The following PCDHGA2 variants were observed in gnomAD, a reference collection of about 807,000 sequenced individuals.
The protein encoded by PCDHGA2 is protocadherin gamma subfamily A, 2.
In PCDHGA2, 40 loss-of-function variants were observed where a neutral mutation model predicts 59.2. The ratio of observed to expected loss-of-function variants is 0.68; its 90% CI spans 0.52 to 0.88. The LOEUF is 0.88. PCDHGA2 is among the 40% of genes least tolerant of loss of function. The probability of loss-of-function intolerance (pLI) is 0.00; values close to 1 mark genes in which losing one functional copy is unlikely to be tolerated. For missense variants in PCDHGA2, 1,226 were observed against 1,204.0 expected, an observed-to-expected ratio of 1.02 and a Z score of -0.27; for synonymous variants, 560 against 526.0, an observed-to-expected ratio of 1.06 and a Z score of -0.89.
chr5:141,365,615 AC>A (rs1215729204), intron 1 of PCDHGA2: 1 of 1,613,178 alleles, frequency 6.2e-7, no homozygotes, highest in Non-Finnish European at 8.5e-7. Context: ...GGACCATGGA[AC>A]CCCGCCCCTC....
intron 1 of PCDHGA2, among the ~76,000 whole-genome samples, chr5:141,358,059 G>A (rs1239093738): frequency 6.6e-6 from 1 of 152,188 alleles, no homozygotes; most frequent in Non-Finnish European, 1.5e-5. Context: ...GCGTGGTGGT[G>A]TGTGCCCGTA....
intron 1 of PCDHGA2, among the ~76,000 whole-genome samples, chr5:141,454,773 G>A (rs1272535268): frequency 6.9e-6 from 1 of 144,540 alleles, no homozygotes; most frequent in East Asian, 2.0e-4. Flanking sequence ...TTTTTTACAA[G>A]GAAATAATCC....
chr5:141,482,767 A>AGCTAGTACTATAATTATTTTTATTAGTTC (rs1370824281), intron 1 of PCDHGA2, among the ~76,000 whole-genome samples: 2 of 150,588 alleles, frequency 1.3e-5, no homozygotes, highest in African/African-American at 2.5e-5. Context: ...TTTCATTATC[A>AGCTAGTACTATAATTATTTTTATTAGTTC]CTGAACCTTA....
chr5:141,409,459 T>A lies in PCDHGA2; in HGVS notation c.2424+68064T>A, dbSNP rs139792503. 3.7e-6 allele frequency: 6 copies of A among 1,613,832 alleles called. 1 individual carries two copies. The highest frequency in any genetic ancestry group is 3.3e-4 in the Middle Eastern group (2 of 6,084). ...ACCGAGAGCAGACACCAGAATACAATGTCACCATCGTAGCCACTGACAGGG... is the reference window on the plus strand; with the variant it reads ...ACCGAGAGCAGACACCAGAATACAAAGTCACCATCGTAGCCACTGACAGGG... On this transcript the variant is annotated intron_variant, in intron 1 of 3. Transcript: ENST00000394576.
chr5:141,446,928 C>T (rs988582410), intron 1 of PCDHGA2, among the ~76,000 whole-genome samples: 14 of 152,132 alleles, frequency 9.2e-5, no homozygotes, highest in Non-Finnish European at 1.6e-4. Context: ...TTCCTGATCT[C>T]TTTTTCACTG....
rs115453161 is a variant in PCDHGA2, at chr5:141,365,386, G to A, written c.2424+23991G>A. ...CCCCCGAAGTGATCCTCACCTCTCT[G>A]ACCAGTTCGATCTCTGAAGACTGTC... On this transcript the variant is annotated intron_variant, in intron 1 of 3. Coordinates refer to ENST00000394576, the MANE Select transcript of PCDHGA2 (RefSeq NM_018915.4). 1,074 of 1,613,934 alleles carry A rather than the reference G, an allele frequency of 6.7e-4. 8 individuals carry two copies. In the African/African-American group the frequency reaches 0.012, roughly 19 times the overall value.
chr5:141,349,444 A>C (rs554674177), intron 1 of PCDHGA2, among the ~76,000 whole-genome samples: 1 of 152,234 alleles, frequency 6.6e-6, no homozygotes, highest in Non-Finnish European at 1.5e-5. Context: ...ATTCCACTTC[A>C]TAAAAGCATG....
intron 1 of PCDHGA2, chr5:141,356,982 G>A: frequency 3.7e-6 from 6 of 1,614,238 alleles, no homozygotes; most frequent in Non-Finnish European, 5.1e-6. Flanking sequence ...TGGTGGCAGT[G>A]GACAGAGACT....
intron 1 of PCDHGA2, among the ~76,000 whole-genome samples, chr5:141,363,857 T>C (rs1243466547): frequency 6.6e-6 from 1 of 152,164 alleles, no homozygotes; most frequent in African/African-American, 2.4e-5. Context: ...GGACTAAATA[T>C]AGATAAGAGG....
intron 1 of PCDHGA2, chr5:141,404,643 AC>A (rs769032535): frequency 2.5e-6 from 4 of 1,614,126 alleles, no homozygotes; most frequent in East Asian, 4.5e-5. Flanking sequence ...GAAATCCTGT[AC>A]CCTGCCCTCC....
At chr5:141,441,635 G>T in intron 1 of PCDHGA2, 1 of 226,720 alleles carries the variant, frequency 4.4e-6, no homozygotes, top group Non-Finnish European at 8.9e-6. Flanking sequence ...TGGAGCCACA[G>T]GCGCTGTGAT....
Position 141,487,106 on chromosome 5 carries a change from A to G in PCDHGA2, c.2425-7701A>G, listed in dbSNP as rs777727830. ...TGACCTCCCACCACAGAAGCTGGTC[A>G]TTGTGGTAAAGGATAGTGGTAGTCC... On this transcript the variant is annotated intron_variant, in intron 1 of 3. Transcript: ENST00000394576. The surrounding 1 kb of genome is among the most constrained non-coding windows in gnomAD (Gnocchi z 5.0). 1 of 1,613,902 alleles carries G rather than the reference A, an allele frequency of 6.2e-7. No individual in the cohort carries two copies. The highest frequency in any genetic ancestry group is 1.3e-5 in the African/African-American group (1 of 75,028).
At chr5:141,408,097 C>T (rs2095040197) in intron 1 of PCDHGA2, 5 of 1,434,516 alleles carry the variant, frequency 3.5e-6, no homozygotes, top group Non-Finnish European at 3.7e-6. Context: ...TTGCCAGCTC[C>T]GAGACCCGGG....
chr5:141,493,289 C>A lies in PCDHGA2; in HGVS notation c.2425-1518C>A, dbSNP rs925045650. On this transcript the variant is annotated intron_variant, in intron 1 of 3. Coordinates refer to ENST00000394576, the MANE Select transcript of PCDHGA2 (RefSeq NM_018915.4). This position sits in a 1 kb window ranked among gnomAD's most constrained non-coding sequence, Gnocchi z 4.3. The stretch of plus-strand genomic sequence containing the variant: ...CTTCACAGAGGTCAAGTGACTTGCT[C>A]AAGTTCACAGAGCAAGTAAGAGAGA... 6.6e-6 allele frequency among the ~76,000 whole-genome samples: 1 copy of A among 152,176 alleles called. No individual in the cohort carries two copies. Among genetic ancestry groups the A allele is most frequent in the East Asian group, 1.9e-4 (1 of 5,194 alleles).
chr5:141,465,125 G>A (rs1003967387), intron 1 of PCDHGA2, among the ~76,000 whole-genome samples: 1 of 151,194 alleles, frequency 6.6e-6, no homozygotes, highest in Non-Finnish European at 1.5e-5. Context: ...GCCTAAATTT[G>A]TAAAAAGTTT....
chr5:141,372,765 A>G, intron 1 of PCDHGA2: 1 of 1,612,386 alleles, frequency 6.2e-7, no homozygotes, highest in Non-Finnish European at 8.5e-7. Flanking sequence ...GTTTGAAAGT[A>G]ATGACAATCC....
chr5:141,469,226 A>G (rs998643671), intron 1 of PCDHGA2, among the ~76,000 whole-genome samples: 1 of 152,066 alleles, frequency 6.6e-6, no homozygotes, highest in Non-Finnish European at 1.5e-5. Context: ...TCAGTGAGCC[A>G]TGATCACCCC....
rs570379716 is a variant in PCDHGA2 at position 141,452,090 on chromosome 5, G to A, written c.2425-42717G>A. Among the ~76,000 whole-genome samples, 3 of 152,256 alleles carry A rather than the reference G, an allele frequency of 2.0e-5. No individual in the cohort carries two copies. The South Asian group carries it at 6.2e-4, about 32-fold the overall frequency. On this transcript the variant is annotated intron_variant, in intron 1 of 3. Coordinates refer to ENST00000394576, the MANE Select transcript of PCDHGA2 (RefSeq NM_018915.4). The stretch of plus-strand genomic sequence containing the variant: ...TTTATTAGTTGGCATTATACAGTAA[G>A]AAAGAGCTTTCTTTTCTCTTCTTAT...
At chr5:141,475,448 G>A (rs774710049) in intron 1 of PCDHGA2, among the ~76,000 whole-genome samples, 1 of 152,214 alleles carries the variant, frequency 6.6e-6, no homozygotes, top group Non-Finnish European at 1.5e-5. Flanking sequence ...CAGATAATGA[G>A]GAAGTGACAG....
Sources: gnomAD v4.1 joint callset for allele counts (sites outside exome capture counted in the v4.1 genomes callset) on GRCh38, gnomAD v4.1.1 for gene constraint, Gnocchi (gnomAD v3.1) non-coding constraint, MANE v1.5 for transcripts, NCBI Gene and HGNC (gene_info 2026-07-23, HGNC 2026-07-21) for gene names.